Variants in ANO6 observed in about 807,000 individuals in gnomAD.
ANO6 encodes anoctamin 6, also known as anoctamin-6.
In ANO6, 106 loss-of-function variants were observed where a neutral mutation model predicts 117.5. The ratio of observed to expected loss-of-function variants is 0.90; its 90% CI spans 0.77 to 1.06. ANO6 has a LOEUF of 1.06. Ranked by LOEUF, ANO6 falls within the 50% of genes least tolerant of loss-of-function variation. The probability of loss-of-function intolerance (pLI) is 0.00; values close to 1 mark genes in which losing one functional copy is unlikely to be tolerated. For synonymous variants in ANO6, 367 were observed against 385.1 expected, an observed-to-expected ratio of 0.95 and a Z score of 0.55; for missense variants, 955 against 1,121.1, an observed-to-expected ratio of 0.85 and a Z score of 2.12.
chr12:45,361,816 T>G (rs1024798202), intron 8 of ANO6, among the ~76,000 whole-genome samples: 11 of 152,170 alleles, frequency 7.2e-5, no homozygotes, highest in African/African-American at 2.7e-4. Flanking sequence ...TTTTGTACTT[T>G]GAATCATCCT....
intron 1 of ANO6, among the ~76,000 whole-genome samples, chr12:45,299,964 AT>A (rs1939426354): frequency 6.6e-6 from 1 of 152,136 alleles, no homozygotes; most frequent in South Asian, 2.1e-4. Context: ...ATTGGCTGAT[AT>A]TTTGGTTTTG....
intron 12 of ANO6, among the ~76,000 whole-genome samples, chr12:45,395,500 C>A (rs1454751457): frequency 6.6e-6 from 1 of 152,178 alleles, no homozygotes; most frequent in Non-Finnish European, 1.5e-5. Flanking sequence ...ATGAGGCCAG[C>A]ATCATCCTGA....
intron 12 of ANO6, among the ~76,000 whole-genome samples, chr12:45,400,862 T>C (rs935576180): frequency 1.3e-5 from 2 of 152,216 alleles, no homozygotes; most frequent in African/African-American, 4.8e-5. Flanking sequence ...GTCACACACC[T>C]TGAGTGCATG....
chr12:45,419,225 C>G lies in ANO6; in HGVS notation c.2218-1846C>G, dbSNP rs539658011. 1.3e-3 allele frequency among the ~76,000 whole-genome samples: 198 copies of G among 152,310 alleles called. 1 individual carries two copies. The highest frequency in any genetic ancestry group is 4.7e-3 in the African/African-American group (194 of 41,566). ...AGAACAGCATGGGAAATGAAACACACTGCATTTATTTGTGCTCTTGCAGCA... is the reference window on the plus strand; with the variant it reads ...AGAACAGCATGGGAAATGAAACACAGTGCATTTATTTGTGCTCTTGCAGCA... On this transcript the variant is annotated intron_variant, in intron 17 of 19. Transcript: ENST00000320560.
intron 3 of ANO6, among the ~76,000 whole-genome samples, chr12:45,335,787 A>G (rs1036927834): frequency 9.9e-5 from 15 of 151,952 alleles, no homozygotes; most frequent in Non-Finnish European, 2.9e-5. Context: ...TTTTGTTGCT[A>G]TTGTCAGAGG....
intron 1 of ANO6, among the ~76,000 whole-genome samples, chr12:45,269,263 C>A (rs1338716660): frequency 6.6e-6 from 1 of 152,174 alleles, no homozygotes; most frequent in East Asian, 1.9e-4. Context: ...CATTTCCAGA[C>A]CCCTGGAGAG....
downstream of ANO6, among the ~76,000 whole-genome samples, chr12:45,432,759 G>C (rs1281966471): frequency 6.6e-6 from 1 of 152,140 alleles, no homozygotes; most frequent in Non-Finnish European, 1.5e-5. Context: ...GGACGTAACT[G>C]GCAAAACTAG....
chr12:45,410,344 C>T (rs1943056443), intron 16 of ANO6, among the ~76,000 whole-genome samples: 1 of 152,156 alleles, frequency 6.6e-6, no homozygotes, highest in South Asian at 2.1e-4. Flanking sequence ...TCATAACTGG[C>T]CTGAATTTGG....
chr12:45,370,713 AAG>A (rs1941802157), intron 9 of ANO6, among the ~76,000 whole-genome samples: 1 of 152,354 alleles, frequency 6.6e-6, no homozygotes. Context: ...ATGGTTCCAT[AAG>A]AGTCAAAGGT....
chr12:45,417,765 T>C (rs181506128), intron 17 of ANO6, among the ~76,000 whole-genome samples: 2 of 152,254 alleles, frequency 1.3e-5, no homozygotes, highest in East Asian at 3.9e-4. Context: ...CCAGTTTTGT[T>C]TTCTTAAGCC....
At position 45,429,801 on chromosome 12, in the gene ANO6, AG is replaced by A. The variant is rs1236007961; in HGVS notation, c.*491del. 1.0e-6 allele frequency: 1 copy of A among 995,474 alleles called. No individual in the cohort carries two copies. The highest frequency in any genetic ancestry group is 1.2e-6 in the Non-Finnish European group (1 of 835,578). The allele number at this position is 995,474 out of a possible 1,614,324, so 61.7% of individuals were successfully genotyped here. On this transcript the variant is annotated 3_prime_UTR_variant, in exon 20 of 20. Coordinates refer to ENST00000320560, the MANE Select transcript of ANO6 (RefSeq NM_001025356.3). ...TTCATGTGATTAAAAATAGCTAACT[AG>A]ACTCAAGGATTCACAATATTTAGGT...
chr12:45,382,295 T>C (rs190976526), intron 10 of ANO6, among the ~76,000 whole-genome samples: 1 of 152,144 alleles, frequency 6.6e-6, no homozygotes, highest in Admixed American at 6.6e-5. Flanking sequence ...ATCGGAAAAA[T>C]AAGAAACCAC....
At chr12:45,403,671 A>T in intron 15 of ANO6, 135 bp downstream of exon 15, 3 of 749,644 alleles carry the variant, frequency 4.0e-6, no homozygotes, top group South Asian at 1.5e-5. Flanking sequence ...ATCTGTTGTC[A>T]TTAAAGGTCT....
intron 1 of ANO6, among the ~76,000 whole-genome samples, chr12:45,236,836 C>A (rs539139078): frequency 6.6e-6 from 1 of 152,150 alleles, no homozygotes; most frequent in Admixed American, 6.5e-5. Context: ...CTAATTTTCA[C>A]TCCCACCAAC....
At chr12:45,319,163 G>A (rs1488790509) in intron 2 of ANO6, among the ~76,000 whole-genome samples, 1 of 152,180 alleles carries the variant, frequency 6.6e-6, no homozygotes, top group Non-Finnish European at 1.5e-5. Context: ...TCGAATAGGA[G>A]TGGTGAGAGA....
At chr12:45,217,575 A>G (rs1947335273) in intron 1 of ANO6, among the ~76,000 whole-genome samples, 1 of 152,224 alleles carries the variant, frequency 6.6e-6, no homozygotes. Flanking sequence ...TTTACTAGTT[A>G]TTCATCTTTA....
intron 1 of ANO6, among the ~76,000 whole-genome samples, chr12:45,252,054 T>TA (rs1937641129): frequency 1.3e-5 from 2 of 152,356 alleles, no homozygotes; most frequent in South Asian, 4.1e-4. Flanking sequence ...AAGAATACTG[T>TA]GATCTTGAAA....
At chr12:45,281,818 T>TG (rs1938746699) in intron 1 of ANO6, among the ~76,000 whole-genome samples, 1 of 152,242 alleles carries the variant, frequency 6.6e-6, no homozygotes, top group Non-Finnish European at 1.5e-5. Context: ...TTAAAGTATT[T>TG]AAAGCAGAAA....
At chr12:45,438,672 A>G (rs181250200) in intron 19 of ANO6, among the ~76,000 whole-genome samples, 1 of 152,312 alleles carries the variant, frequency 6.6e-6, no homozygotes, top group African/African-American at 2.4e-5. Context: ...CAAAATTCAA[A>G]AAAATCTGTA....
Sources: allele counts gnomAD v4.1 joint callset (sites outside exome capture counted in the v4.1 genomes callset), GRCh38; gene constraint gnomAD v4.1.1; transcripts MANE v1.5; gene names NCBI Gene and HGNC (gene_info 2026-07-23, HGNC 2026-07-21).